The following XPR1 variants were observed in gnomAD, a reference collection of about 807,000 sequenced individuals.
XPR1 encodes the protein xenotropic and polytropic retrovirus receptor 1, also known as solute carrier family 53 member 1.
Under a neutral mutation model 87.5 loss-of-function variants are expected in XPR1, and 28 were observed. That is an observed-to-expected ratio of 0.32 (90% CI 0.24 to 0.44). The LOEUF is 0.44. Ranked by LOEUF, XPR1 falls within the 20% of genes least tolerant of loss-of-function variation. The pLI, the probability that XPR1 is intolerant of heterozygous loss-of-function variation, is 1.00. For synonymous variants in XPR1, 300 were observed against 306.1 expected (o/e 0.98, Z 0.21); for missense variants, 559 against 862.3 (o/e 0.65, Z 4.41).
intron 2 of XPR1, among the ~76,000 whole-genome samples, chr1:180,699,209 C>CTTTTTTT (rs1168669274): frequency 4.5e-5 from 6 of 132,582 alleles, no homozygotes; most frequent in Non-Finnish European, 6.4e-5. Context: ...TTTATTCTTT[C>CTTTTTTT]TTTTTTTTTT....
intron 2 of XPR1, among the ~76,000 whole-genome samples, chr1:180,751,034 G>A (rs779428340): frequency 2.3e-4 from 35 of 151,886 alleles, no homozygotes; most frequent in Non-Finnish European, 4.1e-4. Flanking sequence ...CAATGGTAAT[G>A]GTTTTAAATT....
chr1:180,641,970 A>C lies in XPR1; in HGVS notation c.69+9700A>C, dbSNP rs535271775. On this transcript the variant is annotated intron_variant, in intron 1 of 14. Transcript: ENST00000367590. Reference sequence around the variant, plus strand: ...AATGTTCTTGTTAATGATTACTCAGATACTCTGCATTAATACATTTATCTG... The same window carrying C: ...AATGTTCTTGTTAATGATTACTCAGCTACTCTGCATTAATACATTTATCTG... Among the ~76,000 whole-genome samples, 9 of 152,322 alleles carry C rather than the reference A, an allele frequency of 5.9e-5. No individual in the cohort carries two copies. The South Asian group carries it at 1.9e-3, about 32-fold the overall frequency.
At chr1:180,677,629 C>T (rs1056257719) in intron 1 of XPR1, among the ~76,000 whole-genome samples, 4 of 152,192 alleles carry the variant, frequency 2.6e-5, no homozygotes, top group African/African-American at 9.6e-5. Flanking sequence ...CAGAATCTTG[C>T]AGCCTCCAGC....
In XPR1 at chr1:180,806,554, T is replaced by G. The variant is rs1650000432; in HGVS notation, c.678T>G (p.Ala226=). The part of the protein sequence containing the change: ...KRLRVPPLGA[A]QPAPAWTTFR... The stretch of plus-strand genomic sequence containing the variant: ...TACGTGTCCCCCCTTTGGGAGCTGC[T>G]CAGGTTAGTATTTGGTTCCAGTAGT... Residue 226 remains alanine (A), a synonymous_variant, in exon 6 of 15, where the codon GCT becomes GCG. Transcript: ENST00000367590. 6.2e-7 allele frequency: 1 copy of G among 1,610,890 alleles called. No homozygotes were observed. The highest frequency in any genetic ancestry group is 8.5e-7 in the Non-Finnish European group (1 of 1,177,916).
At chr1:180,641,132 C>G (rs896764898) in intron 1 of XPR1, among the ~76,000 whole-genome samples, 10 of 152,166 alleles carry the variant, frequency 6.6e-5, no homozygotes, top group African/African-American at 2.4e-4. Flanking sequence ...TGAGTGACTT[C>G]AGGCAAGTCA....
chr1:180,771,591 T>C (rs1423965398), intron 2 of XPR1, among the ~76,000 whole-genome samples: 1 of 152,208 alleles, frequency 6.6e-6, no homozygotes, highest in Non-Finnish European at 1.5e-5. Flanking sequence ...TTGGTTGTTG[T>C]GACTCTTCAG....
rs527861187 is a variant in XPR1 at position 180,717,562 on chromosome 1, G to A, written c.121+35151G>A. On this transcript the variant is annotated intron_variant, in intron 2 of 14. Transcript: ENST00000367590. ...GGATTGCTAAAAATATGCAAATACC[G>A]AGATCCCAGTCTATATCTCCTACAT... Among the ~76,000 whole-genome samples, 11 of 152,134 alleles carry A rather than the reference G, an allele frequency of 7.2e-5. No individual in the cohort carries two copies. In the East Asian group the frequency reaches 1.5e-3, roughly 21 times the overall value.
chr1:180,659,418 TC>T (rs1316087399), intron 1 of XPR1, among the ~76,000 whole-genome samples: 4 of 116,436 alleles, frequency 3.4e-5, no homozygotes, highest in Admixed American at 8.5e-5. Flanking sequence ...CTTCCTTCCT[TC>T]CTTCCTTCCT....
Position 180,834,981 on chromosome 1 carries a change from C to T in XPR1, c.1242C>T (p.Ile414=), listed in dbSNP as rs775196357. Residue 414 remains isoleucine, a synonymous_variant, in exon 10 of 15, where the codon ATC becomes ATT. Transcript: ENST00000367590. ...SVILMDLEYM[I]CFYSLELKWD... is the part of the protein sequence containing the mutation. The stretch of plus-strand genomic sequence containing the variant: ...TACTGATGGACCTGGAATATATGAT[C>T]TGCTTCTACAGTTTGGAGCTCAAAT... The T allele has an allele frequency of 2.5e-6, 4 of 1,613,996 alleles. No homozygotes were observed. The South Asian group carries it at 4.4e-5, about 18-fold the overall frequency.
At chr1:180,656,999 T>A (rs1241081807) in intron 1 of XPR1, among the ~76,000 whole-genome samples, 2 of 151,998 alleles carry the variant, frequency 1.3e-5, no homozygotes, top group Non-Finnish European at 2.9e-5. Context: ...TTGCCAGCAT[T>A]TATTATTGCC....
At chr1:180,810,543 C>T (rs966154356) in intron 6 of XPR1, among the ~76,000 whole-genome samples, 2 of 151,654 alleles carry the variant, frequency 1.3e-5, no homozygotes, top group African/African-American at 2.4e-5. Flanking sequence ...CACACCCCTG[C>T]GCTCCAGCCT....
intron 1 of XPR1, among the ~76,000 whole-genome samples, chr1:180,638,907 T>G (rs1471859806): frequency 6.6e-6 from 1 of 152,208 alleles, no homozygotes; most frequent in Non-Finnish European, 1.5e-5. Flanking sequence ...TTATATTCCT[T>G]TAAAGTCTTA....
intron 11 of XPR1, among the ~76,000 whole-genome samples, chr1:180,846,251 G>C (rs1258552013): frequency 2.8e-4 from 31 of 111,770 alleles, no homozygotes; most frequent in African/African-American, 1.0e-3. Flanking sequence ...TACAGAGTGA[G>C]ACTTCATCTC....
chr1:180,789,193 T>G (rs1649288439), intron 3 of XPR1, among the ~76,000 whole-genome samples: 1 of 152,252 alleles, frequency 6.6e-6, no homozygotes, highest in Non-Finnish European at 1.5e-5. Context: ...TATTGTTCTA[T>G]TTCTGCCACT....
In XPR1 at chr1:180,752,900, C is replaced by G. The variant is rs375523234; in HGVS notation, c.122-34853C>G. On this transcript the variant is annotated intron_variant, in intron 2 of 14. Coordinates refer to ENST00000367590, the MANE Select transcript of XPR1 (RefSeq NM_004736.4). The stretch of plus-strand genomic sequence containing the variant: ...TAGATAATAGAATTTAAAAATAATT[C>G]TGTAATTTTATATTGAAACATTAAG... 4.8e-4 allele frequency among the ~76,000 whole-genome samples: 73 copies of G among 152,152 alleles called. 2 individuals are homozygous for G. In the South Asian group the frequency reaches 0.015, roughly 31 times the overall value.
intron 3 of XPR1, among the ~76,000 whole-genome samples, chr1:180,795,805 A>T (rs1571845987): frequency 6.6e-6 from 1 of 152,096 alleles, no homozygotes; most frequent in East Asian, 1.9e-4. Context: ...TCACTCATTC[A>T]CTTATTTATT....
At chr1:180,714,047 G>A (rs199524411) in intron 2 of XPR1, among the ~76,000 whole-genome samples, 1 of 146,758 alleles carries the variant, frequency 6.8e-6, no homozygotes, top group Non-Finnish European at 1.5e-5. Context: ...TTAGGTTATT[G>A]TTTTTTCTTG....
chr1:180,719,136 T>C (rs1658094967), intron 2 of XPR1, among the ~76,000 whole-genome samples: 2 of 152,184 alleles, frequency 1.3e-5, no homozygotes, highest in Admixed American at 6.5e-5. Context: ...GTAAAATACA[T>C]AGAAAACCTG....
intron 11 of XPR1, among the ~76,000 whole-genome samples, chr1:180,846,061 A>T (rs965346178): frequency 7.2e-5 from 11 of 152,072 alleles, no homozygotes; most frequent in Non-Finnish European, 1.3e-4. Context: ...GGAGTTCAAG[A>T]CCAGCCTAGC....
Sources: gnomAD v4.1 joint callset for allele counts (sites outside exome capture counted in the v4.1 genomes callset) on GRCh38, gnomAD v4.1.1 for gene constraint, MANE v1.5 for transcripts, NCBI Gene and HGNC (gene_info 2026-07-23, HGNC 2026-07-21) for gene names.